Variants in CCDC47 observed in about 807,000 individuals in gnomAD.
CCDC47 encodes the protein PAT complex subunit CCDC47.
Under a neutral mutation model 60.5 loss-of-function variants are expected in CCDC47, and 41 were observed. The observed-to-expected ratio is 0.68, with a 90% CI of 0.53 to 0.88. The LOEUF (loss-of-function observed/expected upper bound fraction) is 0.88. CCDC47 is among the 40% of genes least tolerant of loss of function. The probability of loss-of-function intolerance (pLI) is 0.00; values close to 1 mark genes in which losing one functional copy is unlikely to be tolerated. For missense variants in CCDC47, 513 were observed against 580.9 expected (o/e 0.88, Z 1.20); for synonymous variants, 195 against 190.7 (o/e 1.02, Z -0.18).
intron 6 of CCDC47, 72 bp downstream of exon 6, chr17:63,760,836 CAAAAAA>C (rs374704881): frequency 1.2e-4 from 92 of 795,116 alleles, no homozygotes; most frequent in South Asian, 1.4e-4. Context: ...GAGACTCCAT[CAAAAAA>C]AAAAAAAAAA....
chr17:63,746,264 C>G lies in CCDC47; in HGVS notation c.*617G>C, dbSNP rs976455157. 6.6e-6 allele frequency: 1 copy of G among 152,292 alleles called. No homozygotes were observed. Among genetic ancestry groups the G allele is most frequent in the Non-Finnish European group, 1.5e-5 (1 of 68,080 alleles). 9.4% of individuals were successfully genotyped at this position (152,292 alleles called of 1,614,324 possible). A position where few individuals can be genotyped will look rare whatever the true frequency, so the allele number is the denominator to read the frequency against. ...GTACATGTCAGTATCCTAATGCCTA[C>G]AGACTTCCTATTAATTTTGTTATCA... is the stretch of plus-strand genomic sequence containing the variant. On this transcript the variant is annotated 3_prime_UTR_variant, in exon 13 of 13. Transcript: ENST00000225726.
chr17:63,750,732 G>A (rs1012303625), intron 12 of CCDC47, among the ~76,000 whole-genome samples: 1 of 151,866 alleles, frequency 6.6e-6, no homozygotes, highest in Admixed American at 6.6e-5. Flanking sequence ...TTACAGGCAC[G>A]CGCCACCACG....
At chr17:63,757,141 G>T (rs1015801023) in intron 6 of CCDC47, among the ~76,000 whole-genome samples, 6 of 149,940 alleles carry the variant, frequency 4.0e-5, no homozygotes, top group African/African-American at 7.4e-5. Context: ...GAGGAAGACT[G>T]CTTGAGCCCA....
At chr17:63,752,869 A>G (rs2039177958) in intron 9 of CCDC47, 70 bp from the exon 10 acceptor site, 1 of 1,565,536 alleles carries the variant, frequency 6.4e-7, no homozygotes, top group Admixed American at 1.9e-5. Flanking sequence ...AAGTCACCCA[A>G]TACACTTAGA....
In CCDC47 at chr17:63,764,191, C is replaced by A; in HGVS notation, c.373-1G>T. The A allele has an allele frequency of 6.3e-7, 1 of 1,583,872 alleles. No homozygotes were observed. On this transcript the variant is annotated splice_acceptor_variant, in intron 3 of 12. Transcript: ENST00000225726. LOFTEE classifies it high-confidence loss of function. ...AGCTGTTCTGGAGGTGTGCAGGAAC[C>A]TAAAAAAGCAAAATCATTCCATTAA...
At chr17:63,747,311 A>T (rs2039127936) in intron 12 of CCDC47, 24 of 983,240 alleles carry the variant, frequency 2.4e-5, no homozygotes, top group Non-Finnish European at 2.9e-5. Flanking sequence ...TGATGGCATT[A>T]TATCATAAAT....
intron 12 of CCDC47, among the ~76,000 whole-genome samples, chr17:63,750,660 C>T (rs1285756237): frequency 1.3e-5 from 2 of 152,068 alleles, no homozygotes; most frequent in Non-Finnish European, 1.5e-5. Context: ...TCCCTGCTCA[C>T]TGCAACCTCT....
chr17:63,754,641 G>A lies in CCDC47; in HGVS notation c.949-123C>T, dbSNP rs563382843. ...CACCAGTAATCCCCGCACTTTGGGA[G>A]GCAGGTGGATTACTTGAGGCAAGGA... On this transcript the variant is annotated intron_variant, in intron 8 of 12. Coordinates refer to ENST00000225726, the MANE Select transcript of CCDC47 (RefSeq NM_020198.3). 102 of 591,742 alleles carry A rather than the reference G, an allele frequency of 1.7e-4. 1 individual carries two copies. In the South Asian group the frequency reaches 2.1e-3, roughly 12 times the overall value. The allele number at this position is 591,742 out of a possible 1,614,324, so 36.7% of individuals were successfully genotyped here. A position where few individuals can be genotyped will look rare whatever the true frequency, so the allele number is the denominator to read the frequency against.
intron 10 of CCDC47, 27 bp from the exon 11 acceptor site, chr17:63,752,456 T>C: frequency 6.9e-7 from 1 of 1,457,102 alleles, no homozygotes; most frequent in South Asian, 1.2e-5. Context: ...TTTTTCCTAC[T>C]GAGTTAATGG....
intron 8 of CCDC47, among the ~76,000 whole-genome samples, 163 bp downstream of exon 8, chr17:63,756,077 A>G (rs1161680065): frequency 2.0e-5 from 3 of 152,206 alleles, no homozygotes; most frequent in Admixed American, 6.5e-5. Context: ...TCCTTTTGAC[A>G]AGCTAATTTA....
chr17:63,757,208 A>T (rs949041963), intron 6 of CCDC47, among the ~76,000 whole-genome samples: 16 of 151,540 alleles, frequency 1.1e-4, no homozygotes, highest in Admixed American at 1.1e-3. Context: ...AAAAAAAAAA[A>T]AAAAGAAAGA....
chr17:63,767,062 A>C (rs2144496497), intron 1 of CCDC47: 1 of 291,504 alleles, frequency 3.4e-6, no homozygotes, highest in South Asian at 1.4e-4. Context: ...GGAAAGCTGC[A>C]ACATTAACAT....
At position 63,759,515 on chromosome 17, in the gene CCDC47, ATATATATATATT is replaced by A. The variant is rs1212341040; in HGVS notation, c.735+1387_735+1398del. Among the ~76,000 whole-genome samples, 12 of 16,612 alleles carry A rather than the reference ATATATATATATT, an allele frequency of 7.2e-4. 1 individual carries two copies. Among genetic ancestry groups the A allele is most frequent in the African/African-American group, 4.4e-3 (5 of 1,132 alleles). 10.9% of individuals were successfully genotyped at this position (16,612 alleles called of 152,430 possible). A position where few individuals can be genotyped will look rare whatever the true frequency, so the allele number is the denominator to read the frequency against. ...CAAAAAAAAAAAAAAAAAAATATAT[ATATATATATATT>A]TATATATATATATATATATATATAT... On this transcript the variant is annotated intron_variant, in intron 6 of 12. Coordinates refer to ENST00000225726, the MANE Select transcript of CCDC47 (RefSeq NM_020198.3).
chr17:63,757,107 T>C (rs1239382208), intron 6 of CCDC47, among the ~76,000 whole-genome samples: 2 of 149,300 alleles, frequency 1.3e-5, no homozygotes, highest in African/African-American at 5.0e-5. Flanking sequence ...ACACCTGTAA[T>C]CCTAGCACTT....
intron 8 of CCDC47, among the ~76,000 whole-genome samples, chr17:63,756,000 G>A (rs535324216): frequency 4.6e-4 from 70 of 150,860 alleles, no homozygotes; most frequent in Non-Finnish European, 6.2e-4. Context: ...AAAAAAACCT[G>A]AAAGTCATTA....
chr17:63,754,553 G>A lies in CCDC47; in HGVS notation c.949-35C>T, dbSNP rs748455035. 4.4e-6 allele frequency: 6 copies of A among 1,365,160 alleles called. No individual in the cohort carries two copies. The African/African-American group carries it at 7.3e-5, about 17-fold the overall frequency. 84.6% of individuals were successfully genotyped at this position (1,365,160 alleles called of 1,614,324 possible). A position where few individuals can be genotyped will look rare whatever the true frequency, so the allele number is the denominator to read the frequency against. ...AGAAAATAATATTTTTTAAAAGCAAGGTTTAATGCATTTCCCTTTTTTTCC... is the reference window on the plus strand; with the variant it reads ...AGAAAATAATATTTTTTAAAAGCAAAGTTTAATGCATTTCCCTTTTTTTCC... On this transcript the variant is annotated intron_variant, in intron 8 of 12. Coordinates refer to ENST00000225726, the MANE Select transcript of CCDC47 (RefSeq NM_020198.3).
rs1025116657 is a variant in CCDC47, at chr17:63,769,285, G to A, written c.-19-3091C>T. 1.0e-4 allele frequency among the ~76,000 whole-genome samples: 15 copies of A among 150,614 alleles called. No individual in the cohort carries two copies. The South Asian group carries it at 1.3e-3, about 13-fold the overall frequency. On this transcript the variant is annotated intron_variant, in intron 1 of 12. Transcript: ENST00000225726. ...AAAACAAAATGTTACAAATGAAGTC[G>A]AAACCCAGATCATTTTAGAAGCAAA...
intron 1 of CCDC47, among the ~76,000 whole-genome samples, chr17:63,769,050 C>T (rs1384024917): frequency 6.7e-6 from 1 of 150,284 alleles, no homozygotes; most frequent in Non-Finnish European, 1.5e-5. Flanking sequence ...TACCACTGCA[C>T]TCTAGCCCGG....
At chr17:63,771,391 C>T (rs2039340774) in intron 1 of CCDC47, among the ~76,000 whole-genome samples, 2 of 152,116 alleles carry the variant, frequency 1.3e-5, no homozygotes, top group African/African-American at 2.4e-5. Flanking sequence ...TTGGTATTCT[C>T]AAGGGGTCCT....
Sources: allele counts gnomAD v4.1 joint callset (sites outside exome capture counted in the v4.1 genomes callset), GRCh38; gene constraint gnomAD v4.1.1; transcripts MANE v1.5; gene names NCBI Gene and HGNC (gene_info 2026-07-23, HGNC 2026-07-21).